Variants in PDGFD observed in about 807,000 individuals in gnomAD.
PDGFD encodes platelet-derived growth factor D.
In PDGFD, 30 loss-of-function variants were observed where a neutral mutation model predicts 44.7. The observed-to-expected ratio is 0.67, with a 90% CI of 0.50 to 0.91. PDGFD has a LOEUF of 0.91. Among genes scored for constraint, PDGFD ranks in the 40% least tolerant of loss-of-function variants. The probability of loss-of-function intolerance (pLI) is 0.00; values close to 1 mark genes in which losing one functional copy is unlikely to be tolerated. For missense variants in PDGFD, 445 were observed against 457.8 expected (o/e 0.97, Z 0.25); for synonymous variants, 173 against 168.4 (o/e 1.03, Z -0.21).
intron 3 of PDGFD, among the ~76,000 whole-genome samples, chr11:103,982,666 C>T (rs1004297317): frequency 2.0e-5 from 3 of 151,538 alleles, no homozygotes; most frequent in Non-Finnish European, 4.4e-5. Context: ...TCTAGAAAAC[C>T]CCATCATCTC....
intron 1 of PDGFD, among the ~76,000 whole-genome samples, chr11:104,086,363 G>C (rs1386721405): frequency 6.6e-6 from 1 of 152,204 alleles, no homozygotes; most frequent in Non-Finnish European, 1.5e-5. Context: ...AGAAGAAAGT[G>C]TGTGCATTTA....
intron 1 of PDGFD, among the ~76,000 whole-genome samples, chr11:104,145,784 C>A (rs933361858): frequency 6.6e-6 from 1 of 151,972 alleles, no homozygotes; most frequent in African/African-American, 2.4e-5. Context: ...AGAAATAGGG[C>A]CTTCAGAGAG....
At chr11:103,937,896 T>C (rs1858517767) in intron 5 of PDGFD, among the ~76,000 whole-genome samples, 1 of 152,038 alleles carries the variant, frequency 6.6e-6, no homozygotes, top group Non-Finnish European at 1.5e-5. Context: ...TCATTTTTTA[T>C]GGCTGCATAG....
intron 1 of PDGFD, among the ~76,000 whole-genome samples, chr11:104,094,489 C>T (rs901916526): frequency 1.3e-5 from 2 of 152,004 alleles, no homozygotes; most frequent in African/African-American, 4.8e-5. Flanking sequence ...TCAAACTTCA[C>T]TTTTCTAAAA....
intron 1 of PDGFD, among the ~76,000 whole-genome samples, chr11:104,108,845 T>G (rs903347211): frequency 1.3e-5 from 2 of 152,092 alleles, no homozygotes; most frequent in African/African-American, 4.8e-5. Flanking sequence ...ATGTGGCACA[T>G]ATACACCATG....
chr11:104,163,672 C>T, intron 1 of PDGFD, 132 bp downstream of exon 1: 1 of 1,124,160 alleles, frequency 8.9e-7, no homozygotes, highest in Middle Eastern at 3.1e-4. Context: ...CAGGAGACCT[C>T]CCTCCCCAAA....
At chr11:103,995,974 T>A (rs1217427650) in intron 3 of PDGFD, 91 bp downstream of exon 3, 3 of 1,141,090 alleles carry the variant, frequency 2.6e-6, no homozygotes, top group African/African-American at 3.1e-5. Context: ...TAAAGTTCAC[T>A]CACCCTCACT....
At chr11:104,055,322 T>C (rs2134409500) in intron 1 of PDGFD, among the ~76,000 whole-genome samples, 1 of 152,330 alleles carries the variant, frequency 6.6e-6, no homozygotes, top group Middle Eastern at 3.4e-3. Flanking sequence ...TTGTTGTATG[T>C]TTGATACTTA....
rs775492824 is a variant in PDGFD, at chr11:103,908,774, A to G, written c.*920T>C. 1.3e-5 allele frequency: 2 copies of G among 152,190 alleles called. No individual in the cohort carries two copies. Among genetic ancestry groups the G allele is most frequent in the South Asian group, 2.1e-4 (1 of 4,826 alleles). The allele number at this position is 152,190 out of a possible 1,614,324, so 9.4% of individuals were successfully genotyped here. The stretch of plus-strand genomic sequence containing the variant: ...TCAATGTTCACTTTTTAAGTTCTCA[A>G]CTACCCACATCTTTCACTGAACACC... On this transcript the variant is annotated 3_prime_UTR_variant, in exon 7 of 7. Transcript: ENST00000393158.
At position 103,908,393 on chromosome 11, in the gene PDGFD, C is replaced by T. The variant is rs533648802; in HGVS notation, c.*1301G>A. On this transcript the variant is annotated 3_prime_UTR_variant, in exon 7 of 7. Coordinates refer to ENST00000393158, the MANE Select transcript of PDGFD (RefSeq NM_025208.5). ...GGACAGCAGGGCCAAACTTGTGTTACCACAATTGACAACTGGCTTCTTAAA... is the reference window on the plus strand; with the variant it reads ...GGACAGCAGGGCCAAACTTGTGTTATCACAATTGACAACTGGCTTCTTAAA... The T allele has an allele frequency of 6.6e-6, 1 of 152,314 alleles. No individual in the cohort carries two copies. Among genetic ancestry groups the T allele is most frequent in the East Asian group, 1.9e-4 (1 of 5,182 alleles). 9.4% of individuals were successfully genotyped at this position (152,314 alleles called of 1,614,324 possible).
chr11:104,080,388 C>G (rs1861028227), intron 1 of PDGFD, among the ~76,000 whole-genome samples: 2 of 152,100 alleles, frequency 1.3e-5, no homozygotes, highest in African/African-American at 4.8e-5. Flanking sequence ...ACCAGAAATT[C>G]AAGTACTTTA....
At chr11:103,959,983 A>G (rs1858911754) in intron 3 of PDGFD, among the ~76,000 whole-genome samples, 1 of 152,206 alleles carries the variant, frequency 6.6e-6, no homozygotes, top group Non-Finnish European at 1.5e-5. Flanking sequence ...AGTTAACAGG[A>G]ACATCTTTTA....
At chr11:104,110,569 C>T (rs1222343170) in intron 1 of PDGFD, among the ~76,000 whole-genome samples, 1 of 149,652 alleles carries the variant, frequency 6.7e-6, no homozygotes, top group African/African-American at 2.4e-5. Flanking sequence ...ATACTACATA[C>T]ATAGAGACAA....
chr11:104,109,712 A>C (rs1040538534), intron 1 of PDGFD, among the ~76,000 whole-genome samples: 2 of 152,174 alleles, frequency 1.3e-5, no homozygotes, highest in Admixed American at 6.6e-5. Flanking sequence ...TAATAATTAA[A>C]ATTAATGAGT....
Position 103,996,188 on chromosome 11 carries a change from T to A in PDGFD, c.387A>T (p.Arg129=), listed in dbSNP as rs1049220627. The change falls in exon 3 of 7, where the codon CGA becomes CGT. Residue 129 remains arginine (R), a synonymous_variant. Transcript: ENST00000393158. ...GAGGAACTTCCTTGTGTCCACACCA[T>A]CGTCCTCTAATAATGGTACTGGTTT... ...ISETSTIIRG[R]WCGHKEVPPR... 4 of 1,613,392 alleles carry A rather than the reference T, an allele frequency of 2.5e-6. No homozygotes were observed. The Admixed American group carries it at 6.7e-5, about 27-fold the overall frequency.
intron 6 of PDGFD, among the ~76,000 whole-genome samples, chr11:103,922,109 A>G (rs535928834): frequency 2.0e-5 from 3 of 152,212 alleles, no homozygotes; most frequent in South Asian, 2.1e-4. Context: ...GATGCTTCCT[A>G]TGTTTTTGGC....
intron 1 of PDGFD, among the ~76,000 whole-genome samples, chr11:104,082,246 A>G (rs1331475149): frequency 1.3e-4 from 19 of 151,340 alleles, no homozygotes; most frequent in Admixed American, 1.3e-3. Context: ...GCTTAGGTGT[A>G]TATTTTCTGA....
chr11:103,923,354 A>C (rs998457777), intron 6 of PDGFD, among the ~76,000 whole-genome samples: 1 of 152,194 alleles, frequency 6.6e-6, no homozygotes, highest in African/African-American at 2.4e-5. Context: ...CAGGACAACT[A>C]ATATGACCTG....
At chr11:104,155,306 T>TA (rs1270970389) in intron 1 of PDGFD, among the ~76,000 whole-genome samples, 1 of 152,190 alleles carries the variant, frequency 6.6e-6, no homozygotes. Context: ...TCATTATTTT[T>TA]AAAATCAATA....
Sources: gnomAD v4.1 joint callset for allele counts (sites outside exome capture counted in the v4.1 genomes callset) on GRCh38, gnomAD v4.1.1 for gene constraint, MANE v1.5 for transcripts, NCBI Gene and HGNC (gene_info 2026-07-23, HGNC 2026-07-21) for gene names.